The following GLG1 variants were observed in gnomAD, a reference collection of about 807,000 sequenced individuals.
The protein encoded by GLG1 is golgi glycoprotein 1.
In GLG1, 38 loss-of-function variants were observed where a neutral mutation model predicts 160.5. The ratio of observed to expected loss-of-function variants is 0.24; its 90% CI spans 0.18 to 0.31. GLG1 has a LOEUF of 0.31. GLG1 is among the 10% of genes least tolerant of loss of function. GLG1 has a pLI of 1.00. For synonymous variants in GLG1, 644 were observed against 543.4 expected (o/e 1.19, Z -2.57); for missense variants, 1,373 against 1,505.2 (o/e 0.91, Z 1.45).
At chr16:74,510,947 C>T (rs1289857690) in intron 2 of GLG1, among the ~76,000 whole-genome samples, 1 of 152,068 alleles carries the variant, frequency 6.6e-6, no homozygotes, top group Non-Finnish European at 1.5e-5. Flanking sequence ...ACCTGAAAGG[C>T]TAGAAGCAGT....
intron 25 of GLG1, among the ~76,000 whole-genome samples, chr16:74,454,227 T>C (rs575771789): frequency 3.3e-5 from 5 of 151,572 alleles, no homozygotes; most frequent in African/African-American, 1.2e-4. Context: ...TTTCATTGAG[T>C]TGGGGTCTCG....
chr16:74,592,430 A>G (rs1958206079), intron 1 of GLG1, among the ~76,000 whole-genome samples: 1 of 152,068 alleles, frequency 6.6e-6, no homozygotes, highest in South Asian at 2.1e-4. Context: ...CTGCACCCGG[A>G]CTGTTTATAT....
In GLG1 at chr16:74,516,149, G is replaced by A. The variant is rs1331846420; in HGVS notation, c.472-7224C>T. 2.6e-5 allele frequency among the ~76,000 whole-genome samples: 4 copies of A among 151,544 alleles called. 1 individual carries two copies. The highest frequency in any genetic ancestry group is 9.8e-5 in the African/African-American group (4 of 40,880). On this transcript the variant is annotated intron_variant, in intron 2 of 25. Coordinates refer to ENST00000422840, the MANE Select transcript of GLG1 (RefSeq NM_001145667.2). ...CTGTCAACATTAGACAGATCAACGA[G>A]ACAGAAAGTTAAGAAGGATATCCAG...
chr16:74,478,374 G>C (rs1053435186), intron 11 of GLG1, among the ~76,000 whole-genome samples: 2 of 152,276 alleles, frequency 1.3e-5, no homozygotes, highest in East Asian at 1.9e-4. Context: ...AATTAGCAGA[G>C]GGTAAAGCAG....
intron 1 of GLG1, among the ~76,000 whole-genome samples, chr16:74,582,596 G>A (rs1020093221): frequency 8.6e-5 from 13 of 152,000 alleles, no homozygotes; most frequent in Admixed American, 7.2e-4. Context: ...CAAGGCAGGC[G>A]GATCACGAGG....
intron 10 of GLG1, among the ~76,000 whole-genome samples, chr16:74,482,235 C>T (rs577924464): frequency 1.3e-5 from 2 of 152,136 alleles, no homozygotes; most frequent in South Asian, 4.2e-4. Flanking sequence ...CAAGCTATCC[C>T]CCTGCCTAGG....
At chr16:74,475,629 A>C (rs2015368705) in intron 12 of GLG1, among the ~76,000 whole-genome samples, 1 of 152,216 alleles carries the variant, frequency 6.6e-6, no homozygotes, top group African/African-American at 2.4e-5. Flanking sequence ...ACAGGTTTAG[A>C]GGTTTCAAGT....
At chr16:74,570,517 G>A (rs1425756912) in intron 1 of GLG1, among the ~76,000 whole-genome samples, 2 of 68,112 alleles carry the variant, frequency 2.9e-5, no homozygotes, top group Non-Finnish European at 5.4e-5. Context: ...TACTGTGATG[G>A]ATTTTTTCAA....
intron 1 of GLG1, among the ~76,000 whole-genome samples, chr16:74,538,083 G>T (rs1597323376): frequency 6.6e-6 from 1 of 150,726 alleles, no homozygotes; most frequent in East Asian, 2.0e-4. Context: ...CACTGAAGCT[G>T]AACTACATCA....
intron 4 of GLG1, among the ~76,000 whole-genome samples, chr16:74,501,053 G>T (rs981629848): frequency 6.6e-6 from 1 of 152,220 alleles, no homozygotes; most frequent in African/African-American, 2.4e-5. Flanking sequence ...TCAAGCTTCA[G>T]TGGCAGCAAA....
At chr16:74,485,398 C>A (rs1325151935) in intron 9 of GLG1, among the ~76,000 whole-genome samples, 1 of 152,078 alleles carries the variant, frequency 6.6e-6, no homozygotes, top group Non-Finnish European at 1.5e-5. Flanking sequence ...CTGATGATTA[C>A]CAGGTAGTCA....
chr16:74,590,795 CAAAAAAAAA>C (rs71158529), intron 1 of GLG1, among the ~76,000 whole-genome samples: 1 of 68,976 alleles, frequency 1.4e-5, no homozygotes, highest in Admixed American at 1.8e-4. Flanking sequence ...GAAACTGTCT[CAAAAAAAAA>C]AAAAAAAGAA....
intron 12 of GLG1, among the ~76,000 whole-genome samples, 193 bp downstream of exon 12, chr16:74,477,203 C>T (rs2015414398): frequency 6.6e-6 from 1 of 152,092 alleles, no homozygotes. Context: ...AAACTCACTG[C>T]CAACTATTCC....
chr16:74,454,447 C>T (rs1019999632), intron 25 of GLG1, among the ~76,000 whole-genome samples: 5 of 150,932 alleles, frequency 3.3e-5, no homozygotes, highest in African/African-American at 1.2e-4. Context: ...GATGGTGGAC[C>T]ATGAAGTCAG....
intron 1 of GLG1, among the ~76,000 whole-genome samples, chr16:74,591,852 G>C (rs994043180): frequency 1.3e-5 from 2 of 152,006 alleles, no homozygotes; most frequent in Non-Finnish European, 2.9e-5. Context: ...GTTTTATACA[G>C]GGAAAAAAAG....
At chr16:74,598,210 CAATA>C (rs1268023856) in intron 1 of GLG1, among the ~76,000 whole-genome samples, 6 of 152,078 alleles carry the variant, frequency 3.9e-5, no homozygotes. Context: ...ACACAGGTTT[CAATA>C]AATGTTTGCT....
intron 22 of GLG1, 62 bp from the exon 23 acceptor site, chr16:74,459,851 C>A: frequency 1.4e-5 from 11 of 793,336 alleles, no homozygotes; most frequent in Non-Finnish European, 2.0e-5. Context: ...CTGACAGTTT[C>A]TTCTTTTTTT....
At chr16:74,456,497 CAAT>C in intron 25 of GLG1, 149 bp downstream of exon 25, 1 of 623,980 alleles carries the variant, frequency 1.6e-6, no homozygotes. Flanking sequence ...GCTAGTCTCA[CAAT>C]AAGGACAAGA....
intron 21 of GLG1, 129 bp downstream of exon 21, chr16:74,462,359 C>A: frequency 3.3e-6 from 3 of 901,350 alleles, no homozygotes; most frequent in South Asian, 1.6e-5. Context: ...GCCCCTTAGC[C>A]CCCCAGGTTC....
Sources: gnomAD v4.1 joint callset for allele counts (sites outside exome capture counted in the v4.1 genomes callset) on GRCh38, gnomAD v4.1.1 for gene constraint, MANE v1.5 for transcripts, NCBI Gene and HGNC (gene_info 2026-07-23, HGNC 2026-07-21) for gene names.